The following CDH4 variants were observed in gnomAD, a reference collection of about 807,000 sequenced individuals.
The protein encoded by CDH4 is cadherin-4.
A neutral mutation model predicts 86.0 loss-of-function variants in CDH4; 33 were observed. That is an observed-to-expected ratio of 0.38 (90% confidence interval 0.29 to 0.51). The LOEUF is 0.51. Among genes scored for constraint, CDH4 ranks in the 20% least tolerant of loss-of-function variants. The pLI, the probability that CDH4 is intolerant of heterozygous loss-of-function variation, is 0.86. For missense variants in CDH4, 1,114 were observed against 1,307.4 expected (o/e 0.85, Z 2.28); for synonymous variants, 555 against 549.4 (o/e 1.01, Z -0.14).
At chr20:61,833,521 TACTGAC>T (rs1981722488) in intron 4 of CDH4, among the ~76,000 whole-genome samples, 1 of 152,194 alleles carries the variant, frequency 6.6e-6, no homozygotes, top group Non-Finnish European at 1.5e-5. Flanking sequence ...CAGGCCTCAT[TACTGAC>T]AACACAAAAA....
At chr20:61,864,372 AC>A (rs577405213) in intron 6 of CDH4, among the ~76,000 whole-genome samples, 21 of 152,290 alleles carry the variant, frequency 1.4e-4, no homozygotes, top group African/African-American at 5.1e-4. Flanking sequence ...AGCCTGGGGA[AC>A]CCCCTGGTTT....
Position 61,708,534 on chromosome 20 carries a change from T to C in CDH4, c.170-35029T>C, listed in dbSNP as rs367876992. On this transcript the variant is annotated intron_variant, in intron 2 of 15. Coordinates refer to ENST00000614565, the MANE Select transcript of CDH4 (RefSeq NM_001794.5). This position sits in a 1 kb window ranked among gnomAD's most constrained non-coding sequence, Gnocchi z 4.5. The stretch of plus-strand genomic sequence containing the variant: ...CACCCGGCCACACAGCCCTGACTCG[T>C]AGCCGGTGGCTGCAGGCTCTTTGCC... 1.1e-4 allele frequency among the ~76,000 whole-genome samples: 17 copies of C among 152,286 alleles called. No individual in the cohort carries two copies. In the South Asian group the frequency reaches 3.5e-3, roughly 32 times the overall value.
chr20:61,832,190 G>T (rs59605585), intron 4 of CDH4, among the ~76,000 whole-genome samples: 3,164 of 152,304 alleles, frequency 0.021, 85 homozygotes, highest in East Asian at 0.093. Flanking sequence ...CCCTACTGAG[G>T]CAGGGAGCTG....
intron 2 of CDH4, among the ~76,000 whole-genome samples, chr20:61,722,666 G>A (rs2088056537): frequency 6.9e-6 from 1 of 145,510 alleles, no homozygotes. Flanking sequence ...GACATGTCAT[G>A]TGCATGGACC....
intron 2 of CDH4, among the ~76,000 whole-genome samples, chr20:61,421,842 A>G (rs2085179452): frequency 6.6e-6 from 1 of 152,142 alleles, no homozygotes; most frequent in African/African-American, 2.4e-5. Flanking sequence ...GGATTTATGA[A>G]TAGTATCGAG....
chr20:61,410,253 C>T (rs1233034713), intron 2 of CDH4, among the ~76,000 whole-genome samples: 1 of 152,134 alleles, frequency 6.6e-6, no homozygotes, highest in East Asian at 1.9e-4. Context: ...CATCCACTCA[C>T]ACACGAATCC....
At chr20:61,434,464 G>A (rs775848650) in intron 2 of CDH4, among the ~76,000 whole-genome samples, 17 of 152,138 alleles carry the variant, frequency 1.1e-4, no homozygotes, top group Non-Finnish European at 1.8e-4. Flanking sequence ...CACGTTCACC[G>A]CGGCGCTCAA....
At chr20:61,475,362 A>T (rs1210867189) in intron 2 of CDH4, among the ~76,000 whole-genome samples, 1 of 150,370 alleles carries the variant, frequency 6.7e-6, no homozygotes, top group Non-Finnish European at 1.5e-5. Context: ...CAAAAATGAC[A>T]ATGTCTAGAA....
intron 2 of CDH4, among the ~76,000 whole-genome samples, chr20:61,509,621 T>G (rs2085765677): frequency 6.6e-6 from 1 of 150,680 alleles, no homozygotes. Context: ...AGGCCAGAGG[T>G]GCATGCACAG....
chr20:61,390,533 G>A (rs1345067248), intron 2 of CDH4, among the ~76,000 whole-genome samples: 2 of 148,570 alleles, frequency 1.3e-5, no homozygotes, highest in African/African-American at 5.0e-5. Context: ...TACGGTCATA[G>A]GGTGCCCATA....
chr20:61,554,013 G>C (rs2086155048), intron 2 of CDH4, among the ~76,000 whole-genome samples: 1 of 152,194 alleles, frequency 6.6e-6, no homozygotes, highest in Non-Finnish European at 1.5e-5. Context: ...CATCTGCTCT[G>C]AGGAGCACCC....
chr20:61,352,706 G>C lies in CDH4; in HGVS notation c.169+97769G>C, dbSNP rs578081007. 4.6e-5 allele frequency among the ~76,000 whole-genome samples: 7 copies of C among 152,268 alleles called. No homozygotes were observed. The South Asian group carries it at 1.5e-3, about 32-fold the overall frequency. The stretch of plus-strand genomic sequence containing the variant: ...GAGATGTTCTCTAGGGGGCCTGGCT[G>C]TTTCTTGTTGGTTTGCAGGCGTTGT... On this transcript the variant is annotated intron_variant, in intron 2 of 15. Coordinates refer to ENST00000614565, the MANE Select transcript of CDH4 (RefSeq NM_001794.5).
chr20:61,936,418 AC>A (rs3833322), intron 15 of CDH4, among the ~76,000 whole-genome samples: 34 of 6,046 alleles, frequency 5.6e-3, no homozygotes, highest in African/African-American at 0.046. Flanking sequence ...CCTCTCCCAC[AC>A]CCCCCCCCCC....
intron 2 of CDH4, among the ~76,000 whole-genome samples, chr20:61,369,201 C>G (rs2123331914): frequency 6.6e-6 from 1 of 152,054 alleles, no homozygotes; most frequent in Non-Finnish European, 1.5e-5. Flanking sequence ...GCCTGTAATC[C>G]CAGCACTTTG....
chr20:61,607,846 T>C (rs192303315), intron 2 of CDH4, among the ~76,000 whole-genome samples: 8 of 152,292 alleles, frequency 5.3e-5, no homozygotes, highest in Admixed American at 2.6e-4. Context: ...GGGAGGCTGG[T>C]TTGATGCTTT....
intron 2 of CDH4, among the ~76,000 whole-genome samples, chr20:61,631,559 C>A (rs1349110363): frequency 2.6e-5 from 4 of 152,150 alleles, no homozygotes; most frequent in African/African-American, 9.7e-5. Flanking sequence ...GCAGGAGAAT[C>A]GCTTAACCTC....
At chr20:61,656,567 C>T (rs1205756092) in intron 2 of CDH4, among the ~76,000 whole-genome samples, 21 of 152,100 alleles carry the variant, frequency 1.4e-4, no homozygotes, top group Non-Finnish European at 2.8e-4. Flanking sequence ...CTGGCTGAGG[C>T]GTGGGTCAGT....
At chr20:61,604,945 C>A (rs1204294868) in intron 2 of CDH4, among the ~76,000 whole-genome samples, 1 of 152,148 alleles carries the variant, frequency 6.6e-6, no homozygotes, top group Non-Finnish European at 1.5e-5. Context: ...ACCATCACCA[C>A]CTCCCTGAAT....
intron 2 of CDH4, among the ~76,000 whole-genome samples, chr20:61,426,496 G>T (rs1183220635): frequency 6.6e-6 from 1 of 152,210 alleles, no homozygotes; most frequent in African/African-American, 2.4e-5. Flanking sequence ...GACTTGCTCA[G>T]TTCTGAGCTT....
Sources: allele counts gnomAD v4.1 joint callset (sites outside exome capture counted in the v4.1 genomes callset), GRCh38; gene constraint gnomAD v4.1.1; non-coding constraint Gnocchi (gnomAD v3.1); transcripts MANE v1.5; gene names NCBI Gene and HGNC (gene_info 2026-07-23, HGNC 2026-07-21).